The following JAM2 variants were observed in gnomAD, a reference collection of about 807,000 sequenced individuals.
JAM2 encodes the protein junctional adhesion molecule B.
A neutral mutation model predicts 42.0 loss-of-function variants in JAM2; 17 were observed. That is an observed-to-expected ratio of 0.40 (90% confidence interval 0.28 to 0.61). The LOEUF is 0.61. Among genes scored for constraint, JAM2 ranks in the 20% least tolerant of loss-of-function variants. The probability of loss-of-function intolerance (pLI) is 0.37; values close to 1 mark genes in which losing one functional copy is unlikely to be tolerated. For synonymous variants in JAM2, 118 were observed against 128.6 expected, an observed-to-expected ratio of 0.92 and a Z score of 0.56; for missense variants, 319 against 358.3, an observed-to-expected ratio of 0.89 and a Z score of 0.89.
chr21:25,697,951 A>ACT lies in JAM2; in HGVS notation c.395-716_395-715dup, dbSNP rs1300585243. ...TGCACACACACACACACACACACAC[A>ACT]CTCTCTCTCTCGCTCTCTCTCACAC... On this transcript the variant is annotated intron_variant, in intron 4 of 9. Coordinates refer to ENST00000480456, the MANE Select transcript of JAM2 (RefSeq NM_021219.4). 1.3e-4 allele frequency among the ~76,000 whole-genome samples: 18 copies of ACT among 134,128 alleles called. No homozygotes were observed. The East Asian group carries it at 1.9e-3, about 14-fold the overall frequency. The allele number at this position is 134,128 out of a possible 152,430, so 88.0% of individuals were successfully genotyped here.
intron 1 of JAM2, among the ~76,000 whole-genome samples, chr21:25,674,061 A>G (rs1479906980): frequency 1.3e-5 from 2 of 152,318 alleles, no homozygotes; most frequent in East Asian, 1.9e-4. Flanking sequence ...CCCCAGCCAC[A>G]TGGAACTGTG....
chr21:25,658,689 C>A (rs1329554016), intron 1 of JAM2, among the ~76,000 whole-genome samples: 1 of 151,920 alleles, frequency 6.6e-6, no homozygotes, highest in Non-Finnish European at 1.5e-5. Flanking sequence ...TGTTGGGTAA[C>A]CTGAGGGGAT....
chr21:25,662,872 T>C (rs1339848087), intron 1 of JAM2, among the ~76,000 whole-genome samples: 1 of 152,212 alleles, frequency 6.6e-6, no homozygotes. Context: ...GACACAATCT[T>C]GTATCAAATA....
intron 8 of JAM2, among the ~76,000 whole-genome samples, chr21:25,710,341 T>C (rs2034357690): frequency 6.6e-6 from 1 of 152,164 alleles, no homozygotes; most frequent in Non-Finnish European, 1.5e-5. Flanking sequence ...AACTCTGCCT[T>C]ATGGAGCTTA....
chr21:25,694,843 A>AAT (rs1555870442), intron 4 of JAM2, among the ~76,000 whole-genome samples: 6 of 148,058 alleles, frequency 4.1e-5, no homozygotes, highest in African/African-American at 1.5e-4. Flanking sequence ...CTCAAAAAAA[A>AAT]AAAAAATAAA....
At chr21:25,663,345 G>A (rs1033752791) in intron 1 of JAM2, among the ~76,000 whole-genome samples, 2 of 152,172 alleles carry the variant, frequency 1.3e-5, no homozygotes, top group South Asian at 4.1e-4. Context: ...TAAGAGTAAG[G>A]AGGATGAACT....
intron 1 of JAM2, among the ~76,000 whole-genome samples, chr21:25,652,645 A>C (rs1287300461): frequency 2.0e-5 from 3 of 152,214 alleles, no homozygotes; most frequent in African/African-American, 7.2e-5. Context: ...ATGTAAATAG[A>C]AATTAAGATT....
In JAM2 at chr21:25,639,741, G is replaced by A. The variant is rs1040168767; in HGVS notation, c.-81G>A. 7.8e-6 allele frequency: 7 copies of A among 895,814 alleles called. No individual in the cohort carries two copies. In the African/African-American group the frequency reaches 1.0e-4, roughly 13 times the overall value. The allele number at this position is 895,814 out of a possible 1,614,324, so 55.5% of individuals were successfully genotyped here. A position where few individuals can be genotyped will look rare whatever the true frequency, so the allele number is the denominator to read the frequency against. On this transcript the variant is annotated 5_prime_UTR_variant, in exon 1 of 10. Transcript: ENST00000480456. The stretch of plus-strand genomic sequence containing the variant: ...TCTCTGCTCCTTTCCCGCCCCAGAA[G>A]TTCAAGGGCCCCCGGCCTCCTGCGC...
chr21:25,705,152 T>C (rs1449424539), intron 6 of JAM2, among the ~76,000 whole-genome samples: 1 of 152,118 alleles, frequency 6.6e-6, no homozygotes, highest in African/African-American at 2.4e-5. Context: ...TATACACCCA[T>C]ATACATATAA....
At chr21:25,689,212 G>T (rs1437218727) in intron 2 of JAM2, among the ~76,000 whole-genome samples, 1 of 152,162 alleles carries the variant, frequency 6.6e-6, no homozygotes, top group African/African-American at 2.4e-5. Context: ...AGGTTATATA[G>T]GCAGTTGTTT....
chr21:25,686,535 C>A (rs552406113), intron 2 of JAM2, among the ~76,000 whole-genome samples: 1 of 152,220 alleles, frequency 6.6e-6, no homozygotes, highest in Non-Finnish European at 1.5e-5. Context: ...TTCTTTCCAG[C>A]GCTGCTGTGC....
intron 4 of JAM2, among the ~76,000 whole-genome samples, chr21:25,695,604 G>A (rs1012894857): frequency 6.7e-6 from 1 of 149,230 alleles, no homozygotes; most frequent in Admixed American, 6.6e-5. Flanking sequence ...GGGCAGAGGC[G>A]CCCCCCCACC....
At chr21:25,682,585 C>T (rs1271276882) in intron 1 of JAM2, among the ~76,000 whole-genome samples, 1 of 152,200 alleles carries the variant, frequency 6.6e-6, no homozygotes, top group Non-Finnish European at 1.5e-5. Context: ...TACAATGTGC[C>T]CTTTTAGCCT....
intron 2 of JAM2, among the ~76,000 whole-genome samples, chr21:25,687,467 A>G (rs1221848040): frequency 6.6e-6 from 1 of 152,262 alleles, no homozygotes; most frequent in Non-Finnish European, 1.5e-5. Context: ...TTATGCTGGC[A>G]TAAGTACTGA....
chr21:25,643,046 C>T (rs151166935), intron 1 of JAM2, among the ~76,000 whole-genome samples: 2 of 152,280 alleles, frequency 1.3e-5, no homozygotes, highest in African/African-American at 4.8e-5. Flanking sequence ...GACCAGATCA[C>T]GGTCCAAAGC....
intron 1 of JAM2, among the ~76,000 whole-genome samples, chr21:25,668,658 A>C (rs2033281556): frequency 6.6e-6 from 1 of 152,238 alleles, no homozygotes; most frequent in African/African-American, 2.4e-5. Context: ...ATGTCTCATA[A>C]ACTTTCAGGT....
At position 25,716,364 on chromosome 21, in the gene JAM2, G is replaced by A. The variant is rs898627832; in HGVS notation, c.*1692G>A. ...GCGAAGCAAATCCCCAGGATTCACC[G>A]AACAAATGGATTAAGCACCCACTGA... On this transcript the variant is annotated 3_prime_UTR_variant, in exon 10 of 10. Coordinates refer to ENST00000480456, the MANE Select transcript of JAM2 (RefSeq NM_021219.4). 2.6e-5 allele frequency: 4 copies of A among 152,164 alleles called. No homozygotes were observed. The highest frequency in any genetic ancestry group is 9.7e-5 in the African/African-American group (4 of 41,406). 9.4% of individuals were successfully genotyped at this position (152,164 alleles called of 1,614,324 possible).
intron 4 of JAM2, among the ~76,000 whole-genome samples, chr21:25,696,776 C>T (rs1004978684): frequency 2.0e-5 from 3 of 152,132 alleles, no homozygotes; most frequent in African/African-American, 4.8e-5. Flanking sequence ...GCTATCAGTT[C>T]GTGGGCCACA....
intron 1 of JAM2, among the ~76,000 whole-genome samples, chr21:25,668,525 A>C (rs1278299528): frequency 6.6e-6 from 1 of 152,232 alleles, no homozygotes; most frequent in Non-Finnish European, 1.5e-5. Flanking sequence ...ACGTGGGATC[A>C]CTAAAGATAA....
Sources: allele counts gnomAD v4.1 joint callset (sites outside exome capture counted in the v4.1 genomes callset), GRCh38; gene constraint gnomAD v4.1.1; transcripts MANE v1.5; gene names NCBI Gene and HGNC (gene_info 2026-07-23, HGNC 2026-07-21).